PACC1: variants seen among roughly 807,000 people sequenced by gnomAD.
PACC1 encodes proton-activated chloride channel.
A neutral mutation model predicts 39.7 loss-of-function variants in PACC1; 34 were observed. That is an observed-to-expected ratio of 0.86 (90% CI 0.65 to 1.14). The LOEUF (loss-of-function observed/expected upper bound fraction) is 1.14. Among genes scored for constraint, PACC1 ranks in the 50% most tolerant of loss-of-function variants. The pLI, the probability that PACC1 is intolerant of heterozygous loss-of-function variation, is 0.00. For missense variants in PACC1, 379 were observed against 436.4 expected (o/e 0.87, Z 1.17); for synonymous variants, 127 against 160.6 (o/e 0.79, Z 1.58).
intron 2 of PACC1, among the ~76,000 whole-genome samples, chr1:212,408,681 T>A (rs1662015454): frequency 6.6e-6 from 1 of 152,158 alleles, no homozygotes; most frequent in African/African-American, 2.4e-5. Context: ...CAGTCTTCTG[T>A]AAGGAGCAGG....
At position 212,387,039 on chromosome 1, in the gene PACC1, G is replaced by A; in HGVS notation, c.195C>T (p.Val65=). ...AGATGAAGATGAGTAGGACCGAGAA[G>A]ACGTTCTTCAGGCAGGCCTTGCTGA... The part of the protein sequence containing the change: ...IRFSKACLKN[V]FSVLLIFIYL... The change falls in exon 3 of 8, where the codon GTC becomes GTT. Residue 65 remains valine (V), a synonymous_variant. Coordinates refer to ENST00000261455, the MANE Select transcript of PACC1 (RefSeq NM_018252.3). The A allele has an allele frequency of 6.2e-7, 1 of 1,614,228 alleles. No individual in the cohort carries two copies. Among genetic ancestry groups the A allele is most frequent in the Non-Finnish European group, 8.5e-7 (1 of 1,180,046 alleles).
In PACC1 at chr1:212,365,307, C is replaced by T. The variant is rs1316972302; in HGVS notation, c.961G>A (p.Ala321Thr). 5 of 1,613,784 alleles carry T rather than the reference C, an allele frequency of 3.1e-6. No homozygotes were observed. The highest frequency in any genetic ancestry group is 4.2e-6 in the Non-Finnish European group (5 of 1,179,980). ...CGAFLALFKA[A>T]EFAKLSIKWM... is the part of the protein sequence containing the mutation. Reference sequence around the variant, plus strand: ...TTTATACTCAGTTTGGCAAACTCTGCTGCTTTAAATAATGCCAAGAAGGCG... The same window carrying T: ...TTTATACTCAGTTTGGCAAACTCTGTTGCTTTAAATAATGCCAAGAAGGCG... Residue 321 changes from alanine (A) to threonine (T), a missense_variant, in exon 8 of 8, where the codon GCA (alanine) becomes ACA (threonine). Ala to Thr is a moderately conservative substitution (Grantham distance 58, BLOSUM62 0). Coordinates refer to ENST00000261455, the MANE Select transcript of PACC1 (RefSeq NM_018252.3).
In PACC1 at chr1:212,412,739, G is replaced by A. The variant is rs549775318; in HGVS notation, c.36+1983C>T. Among the ~76,000 whole-genome samples the A allele has an allele frequency of 9.2e-5, 14 of 152,328 alleles. 1 individual carries two copies. Among genetic ancestry groups the A allele is most frequent in the Middle Eastern group, 3.4e-3 (1 of 294 alleles). The stretch of plus-strand genomic sequence containing the variant: ...ATAAGCCCTGCTAGGCTGGCTATGT[G>A]TGGATGGTGAGGCACATGTTCCTGC... On this transcript the variant is annotated intron_variant, in intron 1 of 7. Coordinates refer to ENST00000261455, the MANE Select transcript of PACC1 (RefSeq NM_018252.3).
intron 7 of PACC1, among the ~76,000 whole-genome samples, chr1:212,371,521 G>C (rs758024256): frequency 1.3e-5 from 2 of 152,038 alleles, no homozygotes; most frequent in Non-Finnish European, 2.9e-5. Context: ...AACCTGAATA[G>C]ACCAATATGA....
intron 2 of PACC1, chr1:212,387,466 A>G (rs1321193426): frequency 8.8e-6 from 2 of 226,572 alleles, no homozygotes; most frequent in Non-Finnish European, 1.8e-5. Flanking sequence ...TTACAATCCA[A>G]CAAGTGAGCT....
intron 2 of PACC1, among the ~76,000 whole-genome samples, chr1:212,404,445 G>T (rs971615758): frequency 6.6e-6 from 1 of 151,398 alleles, no homozygotes; most frequent in Admixed American, 6.6e-5. Flanking sequence ...ACTAGATAAT[G>T]TACAGACCCT....
At chr1:212,390,346 C>A (rs1311899297) in intron 2 of PACC1, among the ~76,000 whole-genome samples, 19 of 151,362 alleles carry the variant, frequency 1.3e-4, no homozygotes, top group Admixed American at 1.3e-3. Context: ...TCGCTTGAAC[C>A]CGGGAGGCGG....
intron 2 of PACC1, among the ~76,000 whole-genome samples, chr1:212,406,836 A>G (rs1298354677): frequency 6.6e-6 from 1 of 152,220 alleles, no homozygotes. Flanking sequence ...CTAAGGTCCA[A>G]GGACATTAGG....
rs761969875 is a variant in PACC1 at position 212,365,428 on chromosome 1, T to TC, written c.892-53dup. 10 of 1,351,754 alleles carry TC rather than the reference T, an allele frequency of 7.4e-6. No homozygotes were observed. The South Asian group carries it at 1.4e-4, about 18-fold the overall frequency. The allele number at this position is 1,351,754 out of a possible 1,614,324, so 83.7% of individuals were successfully genotyped here. ...ATTACTGGTTTGCTTCAGTCTTGAT[T>TC]CTTTTTTTTTTTTTTTTTTTGAGAT... On this transcript the variant is annotated intron_variant, in intron 7 of 7. Transcript: ENST00000261455.
intron 4 of PACC1, 79 bp from the exon 5 acceptor site, chr1:212,380,116 C>T: frequency 6.7e-7 from 1 of 1,485,552 alleles, no homozygotes; most frequent in Non-Finnish European, 9.1e-7. Flanking sequence ...GAAGTACTGA[C>T]TGGAAAGCCC....
intron 2 of PACC1, among the ~76,000 whole-genome samples, chr1:212,396,079 AT>A (rs1167134070): frequency 6.6e-6 from 1 of 152,246 alleles, no homozygotes; most frequent in Non-Finnish European, 1.5e-5. Context: ...CAGCCATCCC[AT>A]TACTGGGTAT....
intron 2 of PACC1, among the ~76,000 whole-genome samples, chr1:212,409,245 G>T (rs1200649592): frequency 6.6e-6 from 1 of 152,072 alleles, no homozygotes; most frequent in South Asian, 2.1e-4. Flanking sequence ...ACAAACAAAC[G>T]CACCATTCCA....
chr1:212,384,925 T>C (rs1024103227), intron 4 of PACC1, among the ~76,000 whole-genome samples: 3 of 152,266 alleles, frequency 2.0e-5, no homozygotes, highest in Non-Finnish European at 4.4e-5. Context: ...TTTCAAAAAG[T>C]ATCCTGGCAA....
At chr1:212,394,666 T>C (rs1368899560) in intron 2 of PACC1, among the ~76,000 whole-genome samples, 1 of 152,218 alleles carries the variant, frequency 6.6e-6, no homozygotes, top group African/African-American at 2.4e-5. Context: ...GCAGATGACA[T>C]GACTGTATAT....
chr1:212,376,563 A>C (rs889076411), intron 6 of PACC1, among the ~76,000 whole-genome samples: 1 of 152,210 alleles, frequency 6.6e-6, no homozygotes, highest in African/African-American at 2.4e-5. Context: ...CAGATAAGAA[A>C]GGACTTGAAT....
chr1:212,368,409 GGA>G (rs1448824190), intron 7 of PACC1, among the ~76,000 whole-genome samples: 1 of 152,034 alleles, frequency 6.6e-6, no homozygotes, highest in Non-Finnish European at 1.5e-5. Context: ...GACCAATCCG[GGA>G]GAGAGAGATG....
chr1:212,404,686 C>G (rs1430598876), intron 2 of PACC1, among the ~76,000 whole-genome samples: 2 of 151,818 alleles, frequency 1.3e-5, no homozygotes, highest in Non-Finnish European at 2.9e-5. Context: ...CTTTCTCAAA[C>G]CAGCCAGCCT....
intron 2 of PACC1, among the ~76,000 whole-genome samples, chr1:212,406,490 T>C (rs1661922265): frequency 6.6e-6 from 1 of 151,994 alleles, no homozygotes; most frequent in Admixed American, 6.6e-5. Flanking sequence ...CACTGCAGCC[T>C]AGTTGACACA....
intron 2 of PACC1, among the ~76,000 whole-genome samples, chr1:212,389,084 G>A (rs1435916112): frequency 6.6e-6 from 1 of 152,234 alleles, no homozygotes; most frequent in Non-Finnish European, 1.5e-5. Context: ...AATTGAAAGA[G>A]AGGCTACCCT....
Sources: allele counts gnomAD v4.1 joint callset (sites outside exome capture counted in the v4.1 genomes callset), GRCh38; gene constraint gnomAD v4.1.1; transcripts MANE v1.5; gene names NCBI Gene and HGNC (gene_info 2026-07-23, HGNC 2026-07-21).